CD38: variants seen among roughly 807,000 people sequenced by gnomAD.
CD38 encodes CD38 molecule, also known as ADP-ribosyl cyclase/cyclic ADP-ribose hydrolase 1.
CD38 carries 31 observed loss-of-function variants against 36.3 expected under a neutral mutation model. That is an observed-to-expected ratio of 0.85 (90% CI 0.64 to 1.15). The LOEUF is 1.15. CD38 is among the 50% of genes most tolerant of loss of function. The pLI, the probability that CD38 is intolerant of heterozygous loss-of-function variation, is 0.00. For synonymous variants in CD38, 131 were observed against 135.2 expected, an observed-to-expected ratio of 0.97 and a Z score of 0.22; for missense variants, 380 against 371.9, an observed-to-expected ratio of 1.02 and a Z score of -0.18.
intron 1 of CD38, among the ~76,000 whole-genome samples, chr4:15,792,938 A>G (rs1038404973): frequency 2.0e-5 from 3 of 152,222 alleles, no homozygotes; most frequent in African/African-American, 7.2e-5. Context: ...TTAATTTACA[A>G]CCATTTCCCT....
Position 15,840,444 on chromosome 4 carries a change from T to C in CD38, c.753-8T>C. ...TGTAATTTTAATACTTTCTTCTTTC[T>C]TCCCCAGAGACTTATGCCAGGATCC... On this transcript the variant is annotated splice_polypyrimidine_tract_variant and splice_region_variant and intron_variant, in intron 6 of 7. Coordinates refer to ENST00000226279, the MANE Select transcript of CD38 (RefSeq NM_001775.4). 1.3e-6 allele frequency: 2 copies of C among 1,555,174 alleles called. No homozygotes were observed. The highest frequency in any genetic ancestry group is 1.8e-6 in the Non-Finnish European group (2 of 1,136,604).
intron 1 of CD38, among the ~76,000 whole-genome samples, chr4:15,798,141 C>G (rs114713438): frequency 1.5e-4 from 23 of 152,308 alleles, no homozygotes; most frequent in African/African-American, 5.3e-4. Context: ...AGCAATCCTT[C>G]CACCTTGGCC....
intron 1 of CD38, among the ~76,000 whole-genome samples, chr4:15,783,159 A>T (rs943453774): frequency 3.9e-5 from 6 of 152,132 alleles, no homozygotes; most frequent in African/African-American, 1.4e-4. Context: ...AAGACTCAAC[A>T]AAGCGTTTGC....
intron 2 of CD38, among the ~76,000 whole-genome samples, chr4:15,819,273 G>A (rs979065100): frequency 4.0e-5 from 6 of 151,744 alleles, no homozygotes; most frequent in Admixed American, 3.9e-4. Context: ...CATGGCATGT[G>A]TATACCTATG....
chr4:15,795,051 G>A (rs1355544285), intron 1 of CD38, among the ~76,000 whole-genome samples: 1 of 152,140 alleles, frequency 6.6e-6, no homozygotes, highest in African/African-American at 2.4e-5. Context: ...AGTACATTTA[G>A]AATTGGCTAG....
rs1723496432 is a variant in CD38, at chr4:15,812,586, G to C, written c.234-3925G>C. 2.0e-5 allele frequency among the ~76,000 whole-genome samples: 3 copies of C among 152,152 alleles called. No homozygotes were observed. The South Asian group carries it at 6.2e-4, about 31-fold the overall frequency. The stretch of plus-strand genomic sequence containing the variant: ...ATGGTGGCATGTGCCTGTAATCCCA[G>C]CTACTCAGGAGGCTGAGGCAGGAGA... On this transcript the variant is annotated intron_variant, in intron 1 of 7. Transcript: ENST00000226279.
chr4:15,833,889 G>T (rs141770463), intron 3 of CD38, among the ~76,000 whole-genome samples: 34 of 152,300 alleles, frequency 2.2e-4, no homozygotes, highest in African/African-American at 7.2e-4. Context: ...ACCACTGAAG[G>T]ACTGGTTTTA....
At chr4:15,795,904 T>A (rs112743888) in intron 1 of CD38, among the ~76,000 whole-genome samples, 64 of 152,262 alleles carry the variant, frequency 4.2e-4, no homozygotes, top group African/African-American at 1.4e-3. Context: ...TGATCCATAT[T>A]TGCCTTGATA....
intron 1 of CD38, among the ~76,000 whole-genome samples, chr4:15,804,760 G>A (rs981071218): frequency 6.6e-6 from 1 of 152,162 alleles, no homozygotes; most frequent in Non-Finnish European, 1.5e-5. Context: ...GTTACTAGAA[G>A]CTGAGAAGGG....
At position 15,848,776 on chromosome 4, in the gene CD38, G is replaced by A. The variant is rs74856947; in HGVS notation, c.*174G>A. 17 of 518,424 alleles carry A rather than the reference G, an allele frequency of 3.3e-5. No individual in the cohort carries two copies. Among genetic ancestry groups the A allele is most frequent in the African/African-American group, 2.1e-4 (11 of 53,012 alleles). The allele number at this position is 518,424 out of a possible 1,614,324, so 32.1% of individuals were successfully genotyped here. Reference sequence around the variant, plus strand: ...AGTCTTAAAATAACTTATATCATCAGCATACCTTTATTGTGATCTATCAAT... The same window carrying A: ...AGTCTTAAAATAACTTATATCATCAACATACCTTTATTGTGATCTATCAAT... On this transcript the variant is annotated 3_prime_UTR_variant, in exon 8 of 8. Transcript: ENST00000226279.
intron 1 of CD38, among the ~76,000 whole-genome samples, chr4:15,780,544 A>G (rs1040366477): frequency 3.3e-5 from 5 of 151,582 alleles, no homozygotes; most frequent in South Asian, 2.1e-4. Context: ...ACACACACAC[A>G]CACACACACA....
intron 3 of CD38, among the ~76,000 whole-genome samples, chr4:15,828,945 A>G (rs1477449298): frequency 6.6e-6 from 1 of 152,194 alleles, no homozygotes; most frequent in African/African-American, 2.4e-5. Flanking sequence ...TAGTGTACAA[A>G]TAACCCCCTT....
chr4:15,831,568 C>CTT (rs148433334), intron 3 of CD38, among the ~76,000 whole-genome samples: 1 of 149,230 alleles, frequency 6.7e-6, no homozygotes, highest in Non-Finnish European at 1.5e-5. Context: ...AGAGTAAAAA[C>CTT]TTTTTTTTTT....
At chr4:15,798,645 G>A (rs6449191) in intron 1 of CD38, among the ~76,000 whole-genome samples, 69,894 of 152,110 alleles carry the variant, frequency 0.46, 19,273 homozygotes, top group African/African-American at 0.78. Context: ...CGTCTGCCAC[G>A]TTGCATATGG....
chr4:15,795,218 CGTGT>C (rs143299140), intron 1 of CD38, among the ~76,000 whole-genome samples: 1 of 149,546 alleles, frequency 6.7e-6, no homozygotes. Flanking sequence ...GAATTAGTTT[CGTGT>C]GTGTGTGTGT....
intron 4 of CD38, among the ~76,000 whole-genome samples, chr4:15,835,264 T>C (rs922827240): frequency 1.3e-5 from 2 of 151,980 alleles, no homozygotes; most frequent in African/African-American, 4.8e-5. Flanking sequence ...CTTCCATATA[T>C]GAGTGAGAGT....
At chr4:15,839,191 T>C (rs1000036999) in intron 5 of CD38, among the ~76,000 whole-genome samples, 1 of 152,138 alleles carries the variant, frequency 6.6e-6, no homozygotes, top group Non-Finnish European at 1.5e-5. Context: ...GGTAAAAGCA[T>C]TAACATTTCA....
At chr4:15,826,459 G>GCACGCACGCA (rs1222637407) in intron 3 of CD38, among the ~76,000 whole-genome samples, 1 of 146,348 alleles carries the variant, frequency 6.8e-6, no homozygotes, top group Admixed American at 6.9e-5. Flanking sequence ...ACTTTTGTGC[G>GCACGCACGCA]CACACACACA....
intron 1 of CD38, among the ~76,000 whole-genome samples, chr4:15,799,720 A>C (rs1723177327): frequency 6.6e-6 from 1 of 152,226 alleles, no homozygotes; most frequent in Non-Finnish European, 1.5e-5. Context: ...GTATGGACAT[A>C]CTGACAGAGC....
Sources: allele counts gnomAD v4.1 joint callset (sites outside exome capture counted in the v4.1 genomes callset), GRCh38; gene constraint gnomAD v4.1.1; transcripts MANE v1.5; gene names NCBI Gene and HGNC (gene_info 2026-07-23, HGNC 2026-07-21).